SCAMP5: variants seen among roughly 807,000 people sequenced by gnomAD.
The protein encoded by SCAMP5 is secretory carrier-associated membrane protein 5.
A neutral mutation model predicts 28.3 loss-of-function variants in SCAMP5; 7 were observed. The observed-to-expected ratio is 0.25, with a 90% CI of 0.14 to 0.46. SCAMP5 has a LOEUF of 0.46. Among genes scored for constraint, SCAMP5 ranks in the 20% least tolerant of loss-of-function variants. The pLI, the probability that SCAMP5 is intolerant of heterozygous loss-of-function variation, is 0.99. For missense variants in SCAMP5, 192 were observed against 312.5 expected (o/e 0.61, Z 2.91); for synonymous variants, 117 against 116.4 (o/e 1.00, Z -0.03).
Position 75,019,755 on chromosome 15 carries a change from G to A in SCAMP5, c.*772G>A, listed in dbSNP as rs1289789123. On this transcript the variant is annotated 3_prime_UTR_variant, in exon 7 of 7. Transcript: ENST00000425597. The stretch of plus-strand genomic sequence containing the variant: ...TACAGTTCAAGGAAGCTGATGGGGA[G>A]CTGGGCCTTACCCCTGATGTAGGAG... 1.3e-5 allele frequency: 2 copies of A among 152,678 alleles called. No homozygotes were observed. Among genetic ancestry groups the A allele is most frequent in the Non-Finnish European group, 2.9e-5 (2 of 68,064 alleles). 9.5% of individuals were successfully genotyped at this position (152,678 alleles called of 1,614,324 possible).
intron 1 of SCAMP5, among the ~76,000 whole-genome samples, chr15:75,002,459 A>G (rs2065718992): frequency 6.6e-6 from 1 of 151,622 alleles, no homozygotes; most frequent in Non-Finnish European, 1.5e-5. Context: ...CCCAGGTGGT[A>G]CCCTATCTCT....
chr15:75,000,708 G>T (rs1293047186), intron 1 of SCAMP5, among the ~76,000 whole-genome samples: 5 of 97,112 alleles, frequency 5.1e-5, no homozygotes, highest in African/African-American at 1.3e-4. Context: ...TTTTTGAAGA[G>T]AAGAAGAATA....
At chr15:74,998,247 C>T (rs2065670507) in intron 1 of SCAMP5, among the ~76,000 whole-genome samples, 1 of 152,206 alleles carries the variant, frequency 6.6e-6, no homozygotes, top group Non-Finnish European at 1.5e-5. Context: ...GGATATGTAG[C>T]CCTTATCCCC....
chr15:75,013,892 T>C (rs774981650), intron 3 of SCAMP5, among the ~76,000 whole-genome samples: 1 of 151,970 alleles, frequency 6.6e-6, no homozygotes, highest in East Asian at 1.9e-4. Flanking sequence ...TGTTCTAAGG[T>C]TTTAAGGCTG....
At chr15:75,013,574 C>T (rs1414744094) in intron 3 of SCAMP5, among the ~76,000 whole-genome samples, 2 of 152,150 alleles carry the variant, frequency 1.3e-5, no homozygotes, top group Non-Finnish European at 2.9e-5. Flanking sequence ...GTGGCTCACA[C>T]TTGTAGTCCC....
intron 1 of SCAMP5, among the ~76,000 whole-genome samples, chr15:75,000,977 C>T (rs1339108730): frequency 6.6e-6 from 1 of 151,874 alleles, no homozygotes; most frequent in Non-Finnish European, 1.5e-5. Context: ...AATTCAGCTC[C>T]AGGCCGGGCG....
intron 1 of SCAMP5, among the ~76,000 whole-genome samples, chr15:75,004,468 G>A (rs1048870215): frequency 8.5e-5 from 13 of 152,234 alleles, no homozygotes; most frequent in African/African-American, 2.4e-4. Flanking sequence ...GGTGGCTCAC[G>A]CCTGTAATCC....
intron 4 of SCAMP5, 78 bp downstream of exon 4, chr15:75,016,827 T>TTA: frequency 8.2e-7 from 1 of 1,224,444 alleles, no homozygotes; most frequent in Non-Finnish European, 1.1e-6. Flanking sequence ...CTTTTCTCAC[T>TTA]TCTTTTTTTT....
At chr15:75,000,458 C>T (rs1272898820) in intron 1 of SCAMP5, among the ~76,000 whole-genome samples, 2 of 151,974 alleles carry the variant, frequency 1.3e-5, no homozygotes, top group East Asian at 3.9e-4. Flanking sequence ...AATCTCGGCT[C>T]ACTGCAAGCT....
intron 1 of SCAMP5, among the ~76,000 whole-genome samples, chr15:75,002,904 G>A (rs370962369): frequency 6.6e-6 from 1 of 151,760 alleles, no homozygotes; most frequent in African/African-American, 2.4e-5. Flanking sequence ...AAAATTTCTG[G>A]CATCTTACAG....
chr15:74,998,927 G>T (rs1168480074), intron 1 of SCAMP5, among the ~76,000 whole-genome samples: 1 of 152,176 alleles, frequency 6.6e-6, no homozygotes, highest in Non-Finnish European at 1.5e-5. Flanking sequence ...GGTTAGGCTG[G>T]AGCCCGGTTA....
intron 1 of SCAMP5, among the ~76,000 whole-genome samples, chr15:75,005,456 G>T (rs1273003689): frequency 7.7e-5 from 11 of 143,550 alleles, no homozygotes; most frequent in Admixed American, 7.1e-4. Flanking sequence ...GCGAAACTCC[G>T]TTTCAAAAAA....
rs182841337 is a variant in SCAMP5, at chr15:74,997,489, C to T, written c.-49+1816C>T. Among the ~76,000 whole-genome samples, 15 of 152,300 alleles carry T rather than the reference C, an allele frequency of 9.8e-5. No individual in the cohort carries two copies. In the East Asian group the frequency reaches 2.5e-3, roughly 25 times the overall value. ...GGAGTGAGGAGATTATGGGAGAAGA[C>T]GTGAACACTTAGTGCCCAATGACTG... On this transcript the variant is annotated intron_variant, in intron 1 of 6. Coordinates refer to ENST00000425597, the MANE Select transcript of SCAMP5 (RefSeq NM_138967.4).
rs185680181 is a variant in SCAMP5 at position 75,014,153 on chromosome 15, G to C, written c.136+1348G>C. Among the ~76,000 whole-genome samples, 885 of 152,264 alleles carry C rather than the reference G, an allele frequency of 5.8e-3. 8 individuals carry two copies. Among genetic ancestry groups the C allele is most frequent in the African/African-American group, 0.019 (792 of 41,546 alleles). On this transcript the variant is annotated intron_variant, in intron 3 of 6. Transcript: ENST00000425597. ...GGCCTGCACTTAGCTGCCTACCTGG[G>C]CAGATGCTTGCATGTGCCGACAAGG...
chr15:75,010,326 G>A (rs896979759), intron 1 of SCAMP5, among the ~76,000 whole-genome samples: 6 of 152,146 alleles, frequency 3.9e-5, no homozygotes, highest in Non-Finnish European at 7.3e-5. Context: ...ACACAGGCTT[G>A]TCATGATGGG....
intron 4 of SCAMP5, chr15:75,017,663 C>G (rs754432868): frequency 8.1e-5 from 49 of 608,228 alleles, no homozygotes; most frequent in Non-Finnish European, 1.4e-4. Context: ...GGAAATCCCT[C>G]CCTGTGTAAT....
chr15:75,018,566 G>C lies in SCAMP5; in HGVS notation c.513+31G>C. The C allele has an allele frequency of 1.4e-6, 2 of 1,467,344 alleles. No individual in the cohort carries two copies. The highest frequency in any genetic ancestry group is 2.3e-5 in the South Asian group (2 of 88,278). The allele number at this position is 1,467,344 out of a possible 1,614,324, so 90.9% of individuals were successfully genotyped here. ...TGGTCCCCTCAAGGGTGAGAAGGTG[G>C]CTTTGGGAAGGGGCCATGTTCTGAA... On this transcript the variant is annotated intron_variant, in intron 6 of 6. Transcript: ENST00000425597. This position sits in a 1 kb window ranked among gnomAD's most constrained non-coding sequence, Gnocchi z 5.6.
At chr15:75,009,940 G>A (rs1420669628) in intron 1 of SCAMP5, 1 of 152,126 alleles carries the variant, frequency 6.6e-6, no homozygotes, top group Non-Finnish European at 1.5e-5. Context: ...CCCCATCAAG[G>A]GTAATACTAT....
intron 1 of SCAMP5, among the ~76,000 whole-genome samples, chr15:75,003,553 T>C (rs1028082632): frequency 3.0e-4 from 46 of 152,316 alleles, no homozygotes; most frequent in African/African-American, 1.0e-3. Context: ...CTCATGCCTG[T>C]AATCTCAGCA....
Sources: gnomAD v4.1 joint callset for allele counts (sites outside exome capture counted in the v4.1 genomes callset) on GRCh38, gnomAD v4.1.1 for gene constraint, Gnocchi (gnomAD v3.1) non-coding constraint, MANE v1.5 for transcripts, NCBI Gene and HGNC (gene_info 2026-07-23, HGNC 2026-07-21) for gene names.